The following ZC3H4 variants were observed in gnomAD, a reference collection of about 807,000 sequenced individuals.
The protein encoded by ZC3H4 is zinc finger CCCH domain-containing protein 4.
In ZC3H4, 13 loss-of-function variants were observed where a neutral mutation model predicts 108.3. The ratio of observed to expected loss-of-function variants is 0.12; its 90% CI spans 0.08 to 0.19. The LOEUF (loss-of-function observed/expected upper bound fraction) is 0.19. ZC3H4 is among the 10% of genes least tolerant of loss of function. The pLI, the probability that ZC3H4 is intolerant of heterozygous loss-of-function variation, is 1.00. For synonymous variants in ZC3H4, 917 were observed against 749.6 expected, an observed-to-expected ratio of 1.22 and a Z score of -3.65; for missense variants, 1,734 against 1,838.8, an observed-to-expected ratio of 0.94 and a Z score of 1.04.
At chr19:47,069,592 A>C (rs1431562333) in intron 13 of ZC3H4, among the ~76,000 whole-genome samples, 1 of 152,226 alleles carries the variant, frequency 6.6e-6, no homozygotes, top group African/African-American at 2.4e-5. Flanking sequence ...AACAGGATGG[A>C]ACATTGGATG....
chr19:47,088,273 C>T (rs573209848), intron 5 of ZC3H4, among the ~76,000 whole-genome samples: 8 of 151,866 alleles, frequency 5.3e-5, no homozygotes, highest in South Asian at 4.2e-4. Context: ...CCCAGCCAGG[C>T]GCAGTGGCTC....
At position 47,066,561 on chromosome 19, in the gene ZC3H4, G is replaced by A; in HGVS notation, c.3707C>T (p.Pro1236Leu). The change falls in exon 15 of 15, where the codon CCA (proline) becomes CTA (leucine). Residue 1236 changes from proline to leucine, a missense_variant. Physicochemically the swap from Pro to Leu is moderately conservative, Grantham distance 98. Coordinates refer to ENST00000253048, the MANE Select transcript of ZC3H4 (RefSeq NM_015168.2). ...CTGGGGTGGGGCACCCTCGGGGGGT[G>A]GGGTGGCGGTGGTGGCAGCGGGGGC... ...AAAPAATTAT[P>L]PPEGAPPQPG... 1 of 1,578,718 alleles carries A rather than the reference G, an allele frequency of 6.3e-7. No individual in the cohort carries two copies. Among genetic ancestry groups the A allele is most frequent in the Non-Finnish European group, 8.6e-7 (1 of 1,162,258 alleles).
chr19:47,079,845 C>T (rs916029918), intron 11 of ZC3H4, among the ~76,000 whole-genome samples: 3 of 152,192 alleles, frequency 2.0e-5, no homozygotes, highest in Non-Finnish European at 2.9e-5. Flanking sequence ...CGAGATTGTG[C>T]CACTGCACTC....
rs561668111 is a variant in ZC3H4 at position 47,107,766 on chromosome 19, G to GC, written c.161+4657dup. Among the ~76,000 whole-genome samples the GC allele has an allele frequency of 7.3e-3, 1,113 of 152,022 alleles. 10 individuals carry two copies. The highest frequency in any genetic ancestry group is 0.012 in the Non-Finnish European group (812 of 68,002). On this transcript the variant is annotated intron_variant, in intron 2 of 14. Coordinates refer to ENST00000253048, the MANE Select transcript of ZC3H4 (RefSeq NM_015168.2). The stretch of plus-strand genomic sequence containing the variant: ...TAAGAGTCACCCCAATGGGTGATGT[G>GC]CCAGAAATCTATTTAAAATAAACTG...
At chr19:47,096,386 G>T (rs1053979081) in intron 2 of ZC3H4, among the ~76,000 whole-genome samples, 2 of 152,244 alleles carry the variant, frequency 1.3e-5, no homozygotes, top group African/African-American at 4.8e-5. Flanking sequence ...CTTCCCGCTG[G>T]GGTGCGGCCC....
chr19:47,080,507 T>C (rs886596457), intron 11 of ZC3H4, among the ~76,000 whole-genome samples: 1 of 152,180 alleles, frequency 6.6e-6, no homozygotes. Context: ...TTTTGTGGTC[T>C]TTCTTGGAGA....
rs369730814 is a variant in ZC3H4, at chr19:47,087,445, A to G, written c.716-907T>C. Among the ~76,000 whole-genome samples, 5 of 152,062 alleles carry G rather than the reference A, an allele frequency of 3.3e-5. 1 individual carries two copies. The highest frequency in any genetic ancestry group is 1.2e-4 in the African/African-American group (5 of 41,530). ...TCACTTTTTTCTTCACTTAAAAAAA[A>G]AAAGAGTGGCCAGGTGCAGTGGCTC... On this transcript the variant is annotated intron_variant, in intron 5 of 14. Coordinates refer to ENST00000253048, the MANE Select transcript of ZC3H4 (RefSeq NM_015168.2).
At chr19:47,085,721 G>A (rs1171047726) in intron 6 of ZC3H4, among the ~76,000 whole-genome samples, 3 of 152,156 alleles carry the variant, frequency 2.0e-5, no homozygotes, top group Non-Finnish European at 4.4e-5. Flanking sequence ...GACCAGGATG[G>A]CAAGTGCAGT....
intron 13 of ZC3H4, among the ~76,000 whole-genome samples, chr19:47,070,463 T>C (rs1232831565): frequency 6.6e-6 from 1 of 152,104 alleles, no homozygotes; most frequent in South Asian, 2.1e-4. Context: ...GAGGATTTTA[T>C]GAAATGGGAT....
chr19:47,066,277 C>T lies in ZC3H4; in HGVS notation c.*79G>A, dbSNP rs1320585910. On this transcript the variant is annotated 3_prime_UTR_variant, in exon 15 of 15. Transcript: ENST00000253048. ...GGAACACCCAGCCTGCCTCCCCTTG[C>T]CCCCAAGTTCCCTACCCTGGGTGCT... 16 of 1,207,414 alleles carry T rather than the reference C, an allele frequency of 1.3e-5. No individual in the cohort carries two copies. Among genetic ancestry groups the T allele is most frequent in the Non-Finnish European group, 1.6e-5 (15 of 913,154 alleles). 74.8% of individuals were successfully genotyped at this position (1,207,414 alleles called of 1,614,324 possible). A position where few individuals can be genotyped will look rare whatever the true frequency, so the allele number is the denominator to read the frequency against.
chr19:47,088,274 G>C (rs1434503198), intron 5 of ZC3H4, among the ~76,000 whole-genome samples: 1 of 151,906 alleles, frequency 6.6e-6, no homozygotes, highest in Non-Finnish European at 1.5e-5. Context: ...CCAGCCAGGC[G>C]CAGTGGCTCA....
intron 9 of ZC3H4, 105 bp from the exon 10 acceptor site, chr19:47,082,400 C>A: frequency 1.2e-6 from 1 of 849,974 alleles, no homozygotes; most frequent in Non-Finnish European, 2.0e-6. Context: ...ATGGAGGGGC[C>A]AATGACAGAA....
chr19:47,072,645 G>T lies in ZC3H4; in HGVS notation c.1509C>A (p.Gly503=). 6.2e-7 allele frequency: 1 copy of T among 1,613,294 alleles called. No individual in the cohort carries two copies. Among genetic ancestry groups the T allele is most frequent in the Non-Finnish European group, 8.5e-7 (1 of 1,179,934 alleles). The change falls in exon 12 of 15, where the codon GGC becomes GGA. Residue 503 remains glycine, a synonymous_variant. Coordinates refer to ENST00000253048, the MANE Select transcript of ZC3H4 (RefSeq NM_015168.2). This position sits in a 1 kb window ranked among gnomAD's most constrained non-coding sequence, Gnocchi z 5.6. The part of the protein sequence containing the change: ...EKEVEELKKQ[G]INPLPKPPPG... ...GGGGCGGTTTGGGCAGGGGGTTGAT[G>T]CCCTGCTTCTTCAGTTCCTCCACCT...
At chr19:47,100,181 T>C (rs1452480778) in intron 2 of ZC3H4, among the ~76,000 whole-genome samples, 1 of 152,190 alleles carries the variant, frequency 6.6e-6, no homozygotes, top group African/African-American at 2.4e-5. Context: ...TCAGGGCTCA[T>C]GCCAAAGAAA....
At chr19:47,077,171 AC>A (rs2057437414) in intron 11 of ZC3H4, among the ~76,000 whole-genome samples, 1 of 151,462 alleles carries the variant, frequency 6.6e-6, no homozygotes, top group South Asian at 2.1e-4. Context: ...GAAAAAAAAA[AC>A]AACTCACAGA....
intron 2 of ZC3H4, among the ~76,000 whole-genome samples, chr19:47,110,217 G>A (rs1200726819): frequency 6.6e-6 from 1 of 151,956 alleles, no homozygotes; most frequent in African/African-American, 2.4e-5. Flanking sequence ...TTTGGGGAGT[G>A]GGGGGGAGGG....
intron 2 of ZC3H4, chr19:47,097,121 G>T (rs999975914): frequency 4.2e-5 from 20 of 480,848 alleles, no homozygotes; most frequent in Non-Finnish European, 4.6e-5. Flanking sequence ...CCAAGGTAGA[G>T]AAGTGCAGCA....
intron 1 of ZC3H4, 84 bp downstream of exon 1, chr19:47,113,636 A>C (rs1470863568): frequency 1.3e-5 from 2 of 152,296 alleles, no homozygotes; most frequent in Admixed American, 6.5e-5. Context: ...GCTAGTTTGA[A>C]GGAAGGCGGG....
chr19:47,108,978 G>C (rs1045818465), intron 2 of ZC3H4, among the ~76,000 whole-genome samples: 1 of 152,088 alleles, frequency 6.6e-6, no homozygotes, highest in Non-Finnish European at 1.5e-5. Flanking sequence ...TTTCTACTAG[G>C]AGACTTTGAT....
Sources: gnomAD v4.1 joint callset for allele counts (sites outside exome capture counted in the v4.1 genomes callset) on GRCh38, gnomAD v4.1.1 for gene constraint, Gnocchi (gnomAD v3.1) non-coding constraint, MANE v1.5 for transcripts, NCBI Gene and HGNC (gene_info 2026-07-23, HGNC 2026-07-21) for gene names.